The following TRIM3 variants were observed in gnomAD, a reference collection of about 807,000 sequenced individuals.
The protein encoded by TRIM3 is tripartite motif containing 3.
In TRIM3, 13 loss-of-function variants were observed where a neutral mutation model predicts 66.6. That is an observed-to-expected ratio of 0.20 (90% CI 0.13 to 0.31). The LOEUF (loss-of-function observed/expected upper bound fraction) is 0.31, where lower values mean the gene tolerates loss of function less well. TRIM3 is among the 10% of genes least tolerant of loss of function. The pLI is 1.00. For missense variants in TRIM3, 711 were observed against 1,020.4 expected, an observed-to-expected ratio of 0.70 and a Z score of 4.13; for synonymous variants, 406 against 411.7, an observed-to-expected ratio of 0.99 and a Z score of 0.17.
intron 2 of TRIM3, among the ~76,000 whole-genome samples, chr11:6,464,101 T>C (rs1739845673): frequency 6.6e-6 from 1 of 152,182 alleles, no homozygotes; most frequent in African/African-American, 2.4e-5. Context: ...GAGAATATTG[T>C]CAAAATACAG....
chr11:6,450,826 G>A lies in TRIM3; in HGVS notation c.1870+66C>T. On this transcript the variant is annotated intron_variant, in intron 9 of 11. Coordinates refer to ENST00000345851, the MANE Select transcript of TRIM3 (RefSeq NM_033278.4). This position sits in a 1 kb window ranked among gnomAD's most constrained non-coding sequence, Gnocchi z 4.8. ...ATAGGAGGAGAGGGCCTTTACAGCT[G>A]GGGTATCTAGGGGAGTTCTCTGGAA... The A allele has an allele frequency of 1.3e-6, 2 of 1,588,156 alleles. No individual in the cohort carries two copies. Among genetic ancestry groups the A allele is most frequent in the Non-Finnish European group, 1.7e-6 (2 of 1,161,520 alleles).
chr11:6,474,081 C>G (rs1393135484), upstream of TRIM3: 1 of 150,548 alleles, frequency 6.6e-6, no homozygotes, highest in Non-Finnish European at 1.5e-5. Flanking sequence ...CACCCGCACG[C>G]CCCCCCGCCA....
rs1403585378 is a variant in TRIM3, at chr11:6,465,721, T to A, written c.-26A>T. 6.2e-7 allele frequency: 1 copy of A among 1,613,126 alleles called. No individual in the cohort carries two copies. On this transcript the variant is annotated 5_prime_UTR_variant, in exon 2 of 12. Coordinates refer to ENST00000345851, the MANE Select transcript of TRIM3 (RefSeq NM_033278.4). ...GGCGCCCACAGATGGCTCCCGCCACTCACACCAGCCTCTGTATGGAGAGAT... is the reference window on the plus strand; with the variant it reads ...GGCGCCCACAGATGGCTCCCGCCACACACACCAGCCTCTGTATGGAGAGAT...
At position 6,458,887 on chromosome 11, in the gene TRIM3, G is replaced by T. The variant is rs538076467; in HGVS notation, c.132-591C>A. ...CAAGCCAAGGACTCTTCCTTTGTAA[G>T]ATGGAGAAGTACAGACTTCACAGAG... On this transcript the variant is annotated intron_variant, in intron 2 of 11. Transcript: ENST00000345851. This position sits in a 1 kb window ranked among gnomAD's most constrained non-coding sequence, Gnocchi z 6.2. 2.6e-4 allele frequency among the ~76,000 whole-genome samples: 39 copies of T among 152,220 alleles called. No individual in the cohort carries two copies. The highest frequency in any genetic ancestry group is 4.8e-4 in the Non-Finnish European group (33 of 68,046).
Position 6,451,369 on chromosome 11 carries a change from G to T in TRIM3, c.1603C>A (p.Arg535Ser). The change falls in exon 8 of 12, where the codon CGC becomes AGC. Residue 535 changes from arginine (R) to serine (S), a missense_variant. Physicochemically the swap from Arg to Ser is moderately radical, Grantham distance 110 (BLOSUM62 -1). Around this residue, in one of 3 missense-constraint regions of TRIM3, gnomAD observed 163 missense variants for 321.9 expected, o/e 0.51. Transcript: ENST00000345851. Reference sequence around the variant, plus strand: ...GTGTCCACTGCCACACCTGTGGGGCGCTGCAGCTGCCCAGGTGAGCGTCCT... The same window carrying T: ...GTGTCCACTGCCACACCTGTGGGGCTCTGCAGCTGCCCAGGTGAGCGTCCT... The part of the protein sequence containing the change: ...VRGRSPGQLQ[R>S]PTGVAVDTNG... The T allele has an allele frequency of 6.2e-7, 1 of 1,614,198 alleles. No homozygotes were observed. Among genetic ancestry groups the T allele is most frequent in the Non-Finnish European group, 8.5e-7 (1 of 1,180,036 alleles).
At position 6,457,264 on chromosome 11, in the gene TRIM3, C is replaced by T. The variant is rs200144942; in HGVS notation, c.696+32G>A. ...GAGGCAATAACACCATCACAATGGACGATGGTAGGAAAGGGTGAACACAAG... is the reference window on the plus strand; with the variant it reads ...GAGGCAATAACACCATCACAATGGATGATGGTAGGAAAGGGTGAACACAAG... On this transcript the variant is annotated intron_variant, in intron 5 of 11. Coordinates refer to ENST00000345851, the MANE Select transcript of TRIM3 (RefSeq NM_033278.4). The surrounding 1 kb of genome is among the most constrained non-coding windows in gnomAD (Gnocchi z 4.5). The T allele has an allele frequency of 1.7e-4, 272 of 1,607,364 alleles. No homozygotes were observed. Among genetic ancestry groups the T allele is most frequent in the African/African-American group, 1.3e-3 (95 of 74,948 alleles).
intron 1 of TRIM3, among the ~76,000 whole-genome samples, chr11:6,466,096 C>T (rs1850453745): frequency 6.6e-6 from 1 of 152,178 alleles, no homozygotes; most frequent in Non-Finnish European, 1.5e-5. Context: ...TTTTCACTGA[C>T]ATACCTACCC....
rs1482124041 is a variant in TRIM3 at position 6,457,640 on chromosome 11, G to A, written c.515+56C>T. On this transcript the variant is annotated intron_variant, in intron 4 of 11. Coordinates refer to ENST00000345851, the MANE Select transcript of TRIM3 (RefSeq NM_033278.4). This position sits in a 1 kb window ranked among gnomAD's most constrained non-coding sequence, Gnocchi z 4.5. The stretch of plus-strand genomic sequence containing the variant: ...AGACCCTTTATTCCCCTCCCCGCCC[G>A]AGCTAAGACACCATCCCTGTGGCCC... The A allele has an allele frequency of 5.4e-5, 85 of 1,580,620 alleles. 1 individual carries two copies. The highest frequency in any genetic ancestry group is 4.4e-4 in the South Asian group (39 of 87,892).
At chr11:6,473,646 T>G (rs1038992768) in intron 1 of TRIM3, 145 bp downstream of exon 1, 55 of 152,474 alleles carry the variant, frequency 3.6e-4, no homozygotes, top group African/African-American at 1.2e-3. Flanking sequence ...CCCCTGCTGC[T>G]CTCACGGACA....
rs73400818 is a variant in TRIM3, at chr11:6,456,246, C to A, written c.1429+51G>T. 1,228 of 1,598,154 alleles carry A rather than the reference C, an allele frequency of 7.7e-4. 10 individuals are homozygous for A. The African/African-American group carries it at 0.014, about 19-fold the overall frequency. ...TCATCTTGAACCTCCCTTCCCTCCC[C>A]ACCCACTACCTGAGCCTGGCCCATC... is the stretch of plus-strand genomic sequence containing the variant. On this transcript the variant is annotated intron_variant, in intron 6 of 11. Transcript: ENST00000345851. This position sits in a 1 kb window ranked among gnomAD's most constrained non-coding sequence, Gnocchi z 6.4.
chr11:6,459,486 G>A (rs1589831606), intron 2 of TRIM3, among the ~76,000 whole-genome samples: 1 of 152,348 alleles, frequency 6.6e-6, no homozygotes, highest in Non-Finnish European at 1.5e-5. Context: ...AAGTGCATAT[G>A]TGCCAGGTGC....
In TRIM3 at chr11:6,457,965, C is replaced by T; in HGVS notation, c.363+100G>A. On this transcript the variant is annotated intron_variant, in intron 3 of 11. Coordinates refer to ENST00000345851, the MANE Select transcript of TRIM3 (RefSeq NM_033278.4). The surrounding 1 kb of genome is among the most constrained non-coding windows in gnomAD (Gnocchi z 4.5). The stretch of plus-strand genomic sequence containing the variant: ...GCACCCCCTACCTGGACCACTAATC[C>T]AGAGCAGTACCCTGTCACCCAGCCA... The T allele has an allele frequency of 6.5e-7, 1 of 1,539,720 alleles. No individual in the cohort carries two copies. The highest frequency in any genetic ancestry group is 8.8e-7 in the Non-Finnish European group (1 of 1,135,630).
At chr11:6,451,534 A>G (rs1307710799) in intron 7 of TRIM3, 96 bp from the exon 8 acceptor site, 42 of 1,341,060 alleles carry the variant, frequency 3.1e-5, no homozygotes, top group Non-Finnish European at 2.1e-6. Flanking sequence ...AGACCCCCCC[A>G]CCACCATTTA....
intron 1 of TRIM3, among the ~76,000 whole-genome samples, chr11:6,472,761 T>C (rs1026224734): frequency 1.2e-4 from 19 of 152,202 alleles, no homozygotes; most frequent in Non-Finnish European, 2.9e-5. Flanking sequence ...AAGAGAGACC[T>C]CTGCTTAATA....
chr11:6,473,707 G>C (rs1409807089), intron 1 of TRIM3, 84 bp downstream of exon 1: 2 of 152,432 alleles, frequency 1.3e-5, no homozygotes, highest in Non-Finnish European at 2.9e-5. Context: ...AAAATCATCT[G>C]TGCCCCCACC....
In TRIM3 at chr11:6,451,408, G is replaced by A. The variant is rs754559037; in HGVS notation, c.1564C>T (p.Arg522Cys). Residue 522 changes from arginine to cysteine, a missense_variant, in exon 8 of 12, where the codon CGT becomes TGT. Physicochemically the swap from Arg to Cys is radical, Grantham distance 180. Coordinates refer to ENST00000345851, the MANE Select transcript of TRIM3 (RefSeq NM_033278.4). ...VFSNEGQFKF[R>C]FGVRGRSPGQ... Reference sequence around the variant, plus strand: ...GGTGAGCGTCCTCGGACCCCAAAACGGAACTTGAACTGGCCCTCATTGGAG... The same window carrying A: ...GGTGAGCGTCCTCGGACCCCAAAACAGAACTTGAACTGGCCCTCATTGGAG... 1.9e-6 allele frequency: 3 copies of A among 1,614,192 alleles called. No individual in the cohort carries two copies. The highest frequency in any genetic ancestry group is 1.1e-5 in the South Asian group (1 of 91,084).
chr11:6,464,463 C>G (rs1287639660), intron 2 of TRIM3, among the ~76,000 whole-genome samples: 3 of 152,218 alleles, frequency 2.0e-5, no homozygotes, highest in African/African-American at 7.2e-5. Flanking sequence ...ATGCCAATCT[C>G]TCATAGCTCA....
At chr11:6,452,062 G>A (rs1849746487) in intron 7 of TRIM3, 1 of 153,226 alleles carries the variant, frequency 6.5e-6, no homozygotes, top group African/African-American at 2.4e-5. Flanking sequence ...AAATTGGCTG[G>A]AGGGACGCAG....
intron 2 of TRIM3, among the ~76,000 whole-genome samples, chr11:6,462,299 A>C (rs1038340897): frequency 6.6e-5 from 10 of 152,254 alleles, no homozygotes; most frequent in Non-Finnish European, 1.5e-4. Flanking sequence ...GCAGGGACCA[A>C]GGGATACATG....
Sources: gnomAD v4.1 joint callset for allele counts (sites outside exome capture counted in the v4.1 genomes callset) on GRCh38, gnomAD v4.1.1 for gene constraint, gnomAD v4.1.1 regional missense constraint, Gnocchi (gnomAD v3.1) non-coding constraint, MANE v1.5 for transcripts, NCBI Gene and HGNC (gene_info 2026-07-23, HGNC 2026-07-21) for gene names.